BEST3: variants seen among roughly 807,000 people sequenced by gnomAD.
The protein encoded by BEST3 is bestrophin 3, also known as bestrophin-3.
In BEST3, 50 loss-of-function variants were observed where a neutral mutation model predicts 47.1. The ratio of observed to expected loss-of-function variants is 1.06; its 90% confidence interval spans 0.85 to 1.34. The LOEUF is 1.34. BEST3 is among the 40% of genes most tolerant of loss of function. The pLI, the probability that BEST3 is intolerant of heterozygous loss-of-function variation, is 0.00. For synonymous variants in BEST3, 282 were observed against 298.8 expected (o/e 0.94, Z 0.58); for missense variants, 765 against 817.0 (o/e 0.94, Z 0.78).
At chr12:69,696,224 T>C (rs895784092) in intron 2 of BEST3, among the ~76,000 whole-genome samples, 12 of 152,190 alleles carry the variant, frequency 7.9e-5, no homozygotes, top group Non-Finnish European at 1.3e-4. Flanking sequence ...TGACTTGAAC[T>C]GATAATTTTT....
chr12:69,670,226 A>C, intron 9 of BEST3: 1 of 499,150 alleles, frequency 2.0e-6, no homozygotes, highest in Non-Finnish European at 3.6e-6. Context: ...AGAGATTCCT[A>C]TCCATGGAAA....
intron 9 of BEST3, among the ~76,000 whole-genome samples, chr12:69,666,994 C>G (rs148957305): frequency 6.6e-6 from 1 of 152,188 alleles, no homozygotes; most frequent in African/African-American, 2.4e-5. Flanking sequence ...CTGGTCTTAT[C>G]CTCAGCTATC....
At chr12:69,682,227 G>C (rs1011548509) in intron 4 of BEST3, among the ~76,000 whole-genome samples, 6 of 152,142 alleles carry the variant, frequency 3.9e-5, no homozygotes, top group Non-Finnish European at 7.3e-5. Context: ...CTAGGCAGTT[G>C]CATATTTACC....
chr12:69,694,236 T>A (rs1886046553), intron 3 of BEST3, 134 bp downstream of exon 3: 1 of 622,116 alleles, frequency 1.6e-6, no homozygotes. Flanking sequence ...ACCTTATGGA[T>A]GATTCTGGTT....
intron 9 of BEST3, among the ~76,000 whole-genome samples, chr12:69,665,016 G>A (rs1284211715): frequency 4.0e-5 from 6 of 151,882 alleles, no homozygotes; most frequent in Admixed American, 6.6e-5. Context: ...GGGATGCCAA[G>A]TCACACAGTG....
chr12:69,646,571 CAT>C (rs1468162112), intron 9 of BEST3, among the ~76,000 whole-genome samples: 1 of 152,126 alleles, frequency 6.6e-6, no homozygotes, highest in Non-Finnish European at 1.5e-5. Flanking sequence ...CAAGTGGGCA[CAT>C]GTCTCATTTC....
chr12:69,697,714 A>G lies in BEST3; in HGVS notation c.85T>C (p.Tyr29His). 1 of 1,613,368 alleles carries G rather than the reference A, an allele frequency of 6.2e-7. No individual in the cohort carries two copies. The highest frequency in any genetic ancestry group is 8.5e-7 in the Non-Finnish European group (1 of 1,179,466). ...ATAAATTCCCTGTACAGTAGTTTGT[A>G]GATGCTGCCTCTCCACTTGAGGAGT... is the stretch of plus-strand genomic sequence containing the variant. Reference protein sequence around the residue: ...RLLLKWRGSIYKLLYREFIVF... With the variant: ...RLLLKWRGSIHKLLYREFIVF... Residue 29 changes from tyrosine (Y) to histidine (H), a missense_variant, in exon 2 of 10, where the codon TAC (tyrosine) becomes CAC (histidine). Coordinates refer to ENST00000330891, the MANE Select transcript of BEST3 (RefSeq NM_032735.3).
chr12:69,652,615 G>C (rs115374287), downstream of BEST3, among the ~76,000 whole-genome samples: 844 of 152,274 alleles, frequency 5.5e-3, 4 homozygotes, highest in African/African-American at 0.019. Context: ...GGATAAAAGT[G>C]CATAAGGGGC....
At chr12:69,694,163 A>C in intron 3 of BEST3, 1 of 572,988 alleles carries the variant, frequency 1.7e-6, no homozygotes, top group African/African-American at 1.9e-5. Flanking sequence ...TTAAATGTCC[A>C]ATAGCAGATT....
chr12:69,649,060 T>C (rs1229473089), downstream of BEST3, among the ~76,000 whole-genome samples: 1 of 152,244 alleles, frequency 6.6e-6, no homozygotes, highest in Non-Finnish European at 1.5e-5. Flanking sequence ...AGTAGCATGA[T>C]CTCAGTTCAC....
intron 9 of BEST3, among the ~76,000 whole-genome samples, chr12:69,665,797 A>C (rs1272393757): frequency 6.6e-6 from 1 of 152,152 alleles, no homozygotes; most frequent in Non-Finnish European, 1.5e-5. Context: ...TAGTCCATGG[A>C]TACTTAATGA....
chr12:69,690,327 A>T (rs150166049), intron 4 of BEST3, among the ~76,000 whole-genome samples: 194 of 152,366 alleles, frequency 1.3e-3, no homozygotes, highest in African/African-American at 4.2e-3. Flanking sequence ...AAAAGTCTGA[A>T]TGCAAGTACA....
chr12:69,657,665 C>T (rs568196309), intron 9 of BEST3, among the ~76,000 whole-genome samples: 26 of 152,178 alleles, frequency 1.7e-4, no homozygotes, highest in African/African-American at 4.3e-4. Flanking sequence ...GACAAGATGC[C>T]GGGTGCATTT....
chr12:69,684,553 C>A (rs1324197044), intron 4 of BEST3: 1 of 676,858 alleles, frequency 1.5e-6, no homozygotes, highest in Admixed American at 2.0e-5. Flanking sequence ...AGCAGAGGAA[C>A]TAAAAGCTCT....
chr12:69,666,553 A>G (rs1487153833), intron 9 of BEST3, among the ~76,000 whole-genome samples: 1 of 152,108 alleles, frequency 6.6e-6, no homozygotes. Flanking sequence ...CTCTGCATCT[A>G]TATTGACCAT....
chr12:69,695,558 C>T (rs2085096779), intron 2 of BEST3, among the ~76,000 whole-genome samples: 1 of 152,110 alleles, frequency 6.6e-6, no homozygotes, highest in Non-Finnish European at 1.5e-5. Context: ...AGAGGTCTAT[C>T]AGGGTTATGC....
chr12:69,671,693 A>T (rs1210386638), intron 8 of BEST3, 114 bp from the exon 9 acceptor site: 1 of 916,026 alleles, frequency 1.1e-6, no homozygotes, highest in Non-Finnish European at 1.7e-6. Flanking sequence ...AAATGAGTGA[A>T]TATACAAATG....
chr12:69,676,264 A>T lies in BEST3; in HGVS notation c.867+652T>A, dbSNP rs192221629. ...TCAGTTCTGGTTTTGAAAATGGGGT[A>T]CATTTAGACCAGGCGCGGTGGCTCA... is the stretch of plus-strand genomic sequence containing the variant. On this transcript the variant is annotated intron_variant, in intron 7 of 9. Transcript: ENST00000330891. Among the ~76,000 whole-genome samples the T allele has an allele frequency of 2.7e-3, 415 of 152,230 alleles. 1 individual carries two copies. Among genetic ancestry groups the T allele is most frequent in the Non-Finnish European group, 4.6e-3 (316 of 68,010 alleles).
chr12:69,680,480 T>C (rs1885193036), intron 4 of BEST3, among the ~76,000 whole-genome samples: 1 of 151,934 alleles, frequency 6.6e-6, no homozygotes, highest in African/African-American at 2.4e-5. Context: ...GGCTAAGTTT[T>C]TGTATTTTTA....
Sources: allele counts gnomAD v4.1 joint callset (sites outside exome capture counted in the v4.1 genomes callset), GRCh38; gene constraint gnomAD v4.1.1; transcripts MANE v1.5; gene names NCBI Gene and HGNC (gene_info 2026-07-23, HGNC 2026-07-21).